Variants in EFNA3 observed in about 807,000 individuals in gnomAD.
EFNA3 encodes ephrin-A3.
EFNA3 carries 15 observed loss-of-function variants against 25.0 expected under a neutral mutation model. The observed-to-expected ratio is 0.60, with a 90% CI of 0.40 to 0.92. EFNA3 has a LOEUF of 0.92. Among genes scored for constraint, EFNA3 ranks in the 40% least tolerant of loss-of-function variants. EFNA3 has a pLI of 0.00. For synonymous variants in EFNA3, 153 were observed against 145.6 expected, an observed-to-expected ratio of 1.05 and a Z score of -0.37; for missense variants, 298 against 323.8, an observed-to-expected ratio of 0.92 and a Z score of 0.61.
Position 155,079,040 on chromosome 1 carries a change from T to G in EFNA3, c.99T>G (p.His33Gln), listed in dbSNP as rs935646514. ...QGPGGALGNR[H>Q]AVYWNSSNQH... ...CCGGAGGGGCGCTGGGAAACCGGCA[T>G]GCGGTGTACTGGAACAGCTCCAACC... Residue 33 changes from histidine (H) to glutamine (Q), a missense_variant, in exon 1 of 5, where the codon CAT becomes CAG. His to Gln is a conservative substitution (Grantham distance 24). Coordinates refer to ENST00000368408, the MANE Select transcript of EFNA3 (RefSeq NM_004952.5). This position sits in a 1 kb window ranked among gnomAD's most constrained non-coding sequence, Gnocchi z 7.7. 74 of 1,405,494 alleles carry G rather than the reference T, an allele frequency of 5.3e-5. No individual in the cohort carries two copies. Among genetic ancestry groups the G allele is most frequent in the Non-Finnish European group, 1.9e-6 (2 of 1,076,544 alleles). 87.1% of individuals were successfully genotyped at this position (1,405,494 alleles called of 1,614,324 possible).
At position 155,086,196 on chromosome 1, in the gene EFNA3, A is replaced by C; in HGVS notation, c.577A>C (p.Asn193His). ...CACCATGGGCCCCAATGTGAAGATCAACGTGCTGGGTGAGTCTGCGCAGCG... is the reference window on the plus strand; with the variant it reads ...CACCATGGGCCCCAATGTGAAGATCCACGTGCTGGGTGAGTCTGCGCAGCG... Reference protein sequence around the residue: ...QFTMGPNVKINVLEDFEGENP... With the variant: ...QFTMGPNVKIHVLEDFEGENP... Residue 193 changes from asparagine to histidine, a missense_variant, in exon 4 of 5, where the codon AAC (asparagine) becomes CAC (histidine). By Grantham distance (68) the Asn-to-His change is moderately conservative. Coordinates refer to ENST00000368408, the MANE Select transcript of EFNA3 (RefSeq NM_004952.5). 6.2e-7 allele frequency: 1 copy of C among 1,613,592 alleles called. No individual in the cohort carries two copies. The highest frequency in any genetic ancestry group is 8.5e-7 in the Non-Finnish European group (1 of 1,179,826).
rs142225795 is a variant in EFNA3, at chr1:155,085,230, A to T, written c.268A>T (p.Met90Leu). The change falls in exon 2 of 5, where the codon ATG (methionine) becomes TTG (leucine). Residue 90 changes from methionine (M) to leucine (L), a missense_variant. By Grantham distance (15) the Met-to-Leu change is conservative. Coordinates refer to ENST00000368408, the MANE Select transcript of EFNA3 (RefSeq NM_004952.5). The surrounding 1 kb of genome is among the most constrained non-coding windows in gnomAD (Gnocchi z 4.4). ...GGGAEQYVLYMVSRNGYRTCN... is the reference protein window; with the variant it reads ...GGGAEQYVLYLVSRNGYRTCN... ...CGGGGCAGAGCAGTACGTGCTGTACATGGTGAGCCGCAACGGCTACCGCAC... is the reference window on the plus strand; with the variant it reads ...CGGGGCAGAGCAGTACGTGCTGTACTTGGTGAGCCGCAACGGCTACCGCAC... 13 of 1,613,100 alleles carry T rather than the reference A, an allele frequency of 8.1e-6. No individual in the cohort carries two copies. The highest frequency in any genetic ancestry group is 1.3e-5 in the African/African-American group (1 of 74,998).
At chr1:155,086,353 G>GCCGCA (rs1663462282) in intron 4 of EFNA3, 60 bp from the exon 5 acceptor site, 1 of 1,556,728 alleles carries the variant, frequency 6.4e-7, no homozygotes, top group African/African-American at 1.6e-5. Context: ...CTGCTGCCGC[G>GCCGCA]TGCCCCTGCC....
intron 1 of EFNA3, among the ~76,000 whole-genome samples, chr1:155,083,263 A>G (rs540924180): frequency 6.6e-6 from 1 of 152,296 alleles, no homozygotes; most frequent in South Asian, 2.1e-4. Flanking sequence ...GCTCAAAGAC[A>G]GAGATCCCAG....
intron 3 of EFNA3, 92 bp from the exon 4 acceptor site, chr1:155,086,036 T>G (rs1571664843): frequency 6.4e-7 from 1 of 1,571,168 alleles, no homozygotes; most frequent in East Asian, 2.4e-5. Flanking sequence ...AGGGCACAGG[T>G]GAGGGGGGCT....
In EFNA3 at chr1:155,087,514, A is replaced by T. The variant is rs1663497494; in HGVS notation, c.*971A>T. On this transcript the variant is annotated 3_prime_UTR_variant, in exon 5 of 5. Coordinates refer to ENST00000368408, the MANE Select transcript of EFNA3 (RefSeq NM_004952.5). ...TTTCATACTCTGCTCTTAGTCTAAA[A>T]AAAATAAACTGGAGATAAAAATAAC... 6.5e-6 allele frequency: 1 copy of T among 152,848 alleles called. No individual in the cohort carries two copies. 9.5% of individuals were successfully genotyped at this position (152,848 alleles called of 1,614,324 possible). A position where few individuals can be genotyped will look rare whatever the true frequency, so the allele number is the denominator to read the frequency against.
chr1:155,086,048 G>A (rs1663449502), intron 3 of EFNA3, 80 bp from the exon 4 acceptor site: 1 of 1,569,904 alleles, frequency 6.4e-7, no homozygotes, highest in South Asian at 1.1e-5. Context: ...AGGGGGGCTT[G>A]CTCCCCAGCC....
At chr1:155,086,061 A>G (rs981785418) in intron 3 of EFNA3, 67 bp from the exon 4 acceptor site, 1 of 1,575,676 alleles carries the variant, frequency 6.3e-7, no homozygotes, top group Non-Finnish European at 8.7e-7. Flanking sequence ...CCCCAGCCGT[A>G]GCAAGGGGAG....
chr1:155,079,268 A>G lies in EFNA3; in HGVS notation c.128+199A>G, dbSNP rs965861702. Reference sequence around the variant, plus strand: ...TCTGAAGAGGCTGTTGGGCTATAGTAAGGAGCGCTCGGGCCGTGTGGAGGA... The same window carrying G: ...TCTGAAGAGGCTGTTGGGCTATAGTGAGGAGCGCTCGGGCCGTGTGGAGGA... On this transcript the variant is annotated intron_variant, in intron 1 of 4. Transcript: ENST00000368408. This position sits in a 1 kb window ranked among gnomAD's most constrained non-coding sequence, Gnocchi z 7.7. Among the ~76,000 whole-genome samples the G allele has an allele frequency of 9.9e-5, 15 of 152,018 alleles. No homozygotes were observed. Among genetic ancestry groups the G allele is most frequent in the African/African-American group, 3.6e-4 (15 of 41,392 alleles).
chr1:155,084,378 C>A (rs1228455971), intron 1 of EFNA3, among the ~76,000 whole-genome samples: 1 of 152,208 alleles, frequency 6.6e-6, no homozygotes, highest in South Asian at 2.1e-4. Flanking sequence ...AGGGGGAGAC[C>A]CCCAGATTGG....
In EFNA3 at chr1:155,079,523, G is replaced by A. The variant is rs949655235; in HGVS notation, c.128+454G>A. Among the ~76,000 whole-genome samples, 2 of 152,164 alleles carry A rather than the reference G, an allele frequency of 1.3e-5. No individual in the cohort carries two copies. The highest frequency in any genetic ancestry group is 4.8e-5 in the African/African-American group (2 of 41,438). On this transcript the variant is annotated intron_variant, in intron 1 of 4. Coordinates refer to ENST00000368408, the MANE Select transcript of EFNA3 (RefSeq NM_004952.5). The surrounding 1 kb of genome is among the most constrained non-coding windows in gnomAD (Gnocchi z 7.7). ...TTTAAAAGTGGGGTCCAGAGCTGAG[G>A]CAGGGAGTCCGACCGAGCACCTCCC...
chr1:155,079,020 G>C lies in EFNA3; in HGVS notation c.79G>C (p.Gly27Arg). Residue 27 changes from glycine to arginine, a missense_variant, in exon 1 of 5, where the codon GGG becomes CGG. By Grantham distance (125) the Gly-to-Arg change is moderately radical. Transcript: ENST00000368408. The surrounding 1 kb of genome is among the most constrained non-coding windows in gnomAD (Gnocchi z 7.7). ...LLPLLAQGPG[G>R]ALGNRHAVYW... ...GCCGCTGCTGGCCCAAGGGCCCGGA[G>C]GGGCGCTGGGAAACCGGCATGCGGT... is the stretch of plus-strand genomic sequence containing the variant. The C allele has an allele frequency of 7.0e-7, 1 of 1,424,408 alleles. No individual in the cohort carries two copies. The allele number at this position is 1,424,408 out of a possible 1,614,324, so 88.2% of individuals were successfully genotyped here. A position where few individuals can be genotyped will look rare whatever the true frequency, so the allele number is the denominator to read the frequency against.
rs1422263729 is a variant in EFNA3 at position 155,080,713 on chromosome 1, C to G, written c.128+1644C>G. Among the ~76,000 whole-genome samples the G allele has an allele frequency of 1.3e-5, 2 of 152,114 alleles. No individual in the cohort carries two copies. The highest frequency in any genetic ancestry group is 2.9e-5 in the Non-Finnish European group (2 of 67,978). On this transcript the variant is annotated intron_variant, in intron 1 of 4. Transcript: ENST00000368408. The surrounding 1 kb of genome is among the most constrained non-coding windows in gnomAD (Gnocchi z 7.0). ...ATCAGGTTCCCCTCCCCCGCATACA[C>G]CTGGGCGCAGGTGAAAGCTCAGGGA...
Position 155,086,193 on chromosome 1 carries a change from A to G in EFNA3, c.574A>G (p.Ile192Val). 5.6e-6 allele frequency: 9 copies of G among 1,613,480 alleles called. No homozygotes were observed. The highest frequency in any genetic ancestry group is 7.6e-6 in the Non-Finnish European group (9 of 1,179,668). Residue 192 changes from isoleucine (I) to valine (V), a missense_variant, in exon 4 of 5, where the codon ATC (isoleucine) becomes GTC (valine). Ile to Val is a conservative substitution (Grantham distance 29, BLOSUM62 3). Coordinates refer to ENST00000368408, the MANE Select transcript of EFNA3 (RefSeq NM_004952.5). ...GTTCACCATGGGCCCCAATGTGAAG[A>G]TCAACGTGCTGGGTGAGTCTGCGCA... Reference protein sequence around the residue: ...PQFTMGPNVKINVLEDFEGEN... With the variant: ...PQFTMGPNVKVNVLEDFEGEN...
intron 1 of EFNA3, among the ~76,000 whole-genome samples, chr1:155,083,825 G>T (rs1177248156): frequency 6.6e-6 from 1 of 152,222 alleles, no homozygotes; most frequent in Non-Finnish European, 1.5e-5. Flanking sequence ...CCCGTGGTAT[G>T]ACATTTTGCC....
In EFNA3 at chr1:155,078,956, G is replaced by T; in HGVS notation, c.15G>T (p.Pro5=). MAAA[P]LLLLLLLVPV... The stretch of plus-strand genomic sequence containing the variant: ...CGGCTCCGGGGATGGCGGCGGCTCC[G>T]CTGCTGCTGCTGCTGCTGCTCGTGC... Residue 5 remains proline, a synonymous_variant, in exon 1 of 5, where the codon CCG becomes CCT. Coordinates refer to ENST00000368408, the MANE Select transcript of EFNA3 (RefSeq NM_004952.5). 7.6e-7 allele frequency: 1 copy of T among 1,318,754 alleles called. No homozygotes were observed. Among genetic ancestry groups the T allele is most frequent in the South Asian group, 1.9e-5 (1 of 53,864 alleles). 81.7% of individuals were successfully genotyped at this position (1,318,754 alleles called of 1,614,324 possible). A position where few individuals can be genotyped will look rare whatever the true frequency, so the allele number is the denominator to read the frequency against.
In EFNA3 at chr1:155,085,989, C is replaced by T. The variant is rs1392280448; in HGVS notation, c.508+47C>T. Reference sequence around the variant, plus strand: ...CCGCGCCCCCATCCTCAGCTCCCTGCTTTGGGGCTCCCCTGGCTTCCTGGG... The same window carrying T: ...CCGCGCCCCCATCCTCAGCTCCCTGTTTTGGGGCTCCCCTGGCTTCCTGGG... On this transcript the variant is annotated intron_variant, in intron 3 of 4. Coordinates refer to ENST00000368408, the MANE Select transcript of EFNA3 (RefSeq NM_004952.5). The surrounding 1 kb of genome is among the most constrained non-coding windows in gnomAD (Gnocchi z 4.4). 6.3e-7 allele frequency: 1 copy of T among 1,584,560 alleles called. No homozygotes were observed. The highest frequency in any genetic ancestry group is 1.8e-5 in the Admixed American group (1 of 55,796).
At position 155,080,056 on chromosome 1, in the gene EFNA3, C is replaced by T. The variant is rs1413764821; in HGVS notation, c.128+987C>T. ...TGCTGCCCTTGTCTTCTCCTCCCCG[C>T]CAAGCCGCCGTGTGTATCTCCCTGG... On this transcript the variant is annotated intron_variant, in intron 1 of 4. Coordinates refer to ENST00000368408, the MANE Select transcript of EFNA3 (RefSeq NM_004952.5). This position sits in a 1 kb window ranked among gnomAD's most constrained non-coding sequence, Gnocchi z 7.0. 6.6e-6 allele frequency among the ~76,000 whole-genome samples: 1 copy of T among 152,082 alleles called. No homozygotes were observed. The highest frequency in any genetic ancestry group is 1.5e-5 in the Non-Finnish European group (1 of 67,998).
At chr1:155,086,319 G>A (rs1663461185) in intron 4 of EFNA3, 94 bp from the exon 5 acceptor site, 1 of 1,594,910 alleles carries the variant, frequency 6.3e-7, no homozygotes, top group Admixed American at 1.7e-5. Flanking sequence ...TACCCTGTGG[G>A]TGGTCACGTC....
Sources: allele counts gnomAD v4.1 joint callset (sites outside exome capture counted in the v4.1 genomes callset), GRCh38; gene constraint gnomAD v4.1.1; non-coding constraint Gnocchi (gnomAD v3.1); transcripts MANE v1.5; gene names NCBI Gene and HGNC (gene_info 2026-07-23, HGNC 2026-07-21).